The following MKX variants were observed in gnomAD, a reference collection of about 807,000 sequenced individuals.
MKX encodes the protein homeobox protein Mohawk.
A neutral mutation model predicts 36.0 loss-of-function variants in MKX; 13 were observed. The ratio of observed to expected loss-of-function variants is 0.36; its 90% CI spans 0.24 to 0.57. The LOEUF (loss-of-function observed/expected upper bound fraction) is 0.57. Ranked by LOEUF, MKX falls within the 20% of genes least tolerant of loss-of-function variation. The pLI, the probability that MKX is intolerant of heterozygous loss-of-function variation, is 0.79. For synonymous variants in MKX, 176 were observed against 178.3 expected (o/e 0.99, Z 0.10); for missense variants, 458 against 456.4 (o/e 1.00, Z -0.03).
chr10:27,708,307 G>A (rs916063147), intron 5 of MKX, among the ~76,000 whole-genome samples: 4 of 152,044 alleles, frequency 2.6e-5, no homozygotes, highest in Admixed American at 1.3e-4. Context: ...CCCTGGTTTA[G>A]CTCACTGACC....
intron 5 of MKX, among the ~76,000 whole-genome samples, chr10:27,676,867 C>T (rs982457907): frequency 3.3e-5 from 5 of 152,218 alleles, no homozygotes; most frequent in Non-Finnish European, 4.4e-5. Context: ...AGTTAGGATG[C>T]TAGCTTTTGC....
chr10:27,686,394 AAAGGAAGGAAGGAAGGAAGGAAGG>A lies in MKX; in HGVS notation c.839-10864_839-10841del, dbSNP rs199641003. On this transcript the variant is annotated intron_variant, in intron 5 of 6. Transcript: ENST00000419761. ...AAAGAAAGGGAAGGGAAGGGAAGGG[AAAGGAAGGAAGGAAGGAAGGAAGG>A]AAGGAAGGAAGGAAGGAAGGAAGGA... 8.9e-3 allele frequency among the ~76,000 whole-genome samples: 1,093 copies of A among 122,992 alleles called. 19 individuals are homozygous for A. The East Asian group carries it at 0.1, about 11-fold the overall frequency. 80.7% of individuals were successfully genotyped at this position (122,992 alleles called of 152,430 possible).
rs1267821393 is a variant in MKX, at chr10:27,715,876, T to C, written c.838+18580A>G. Reference sequence around the variant, plus strand: ...TATGGGATGGGCTGGGGGCTGGGCATAGCATAAAGACATAGGTTGCTCTGG... The same window carrying C: ...TATGGGATGGGCTGGGGGCTGGGCACAGCATAAAGACATAGGTTGCTCTGG... On this transcript the variant is annotated intron_variant, in intron 5 of 6. Coordinates refer to ENST00000419761, the MANE Select transcript of MKX (RefSeq NM_173576.3). 2.0e-5 allele frequency among the ~76,000 whole-genome samples: 3 copies of C among 151,178 alleles called. No homozygotes were observed. In the East Asian group the frequency reaches 6.3e-4, roughly 32 times the overall value.
Position 27,673,019 on chromosome 10 carries a change from C to A in MKX, c.*2210G>T, listed in dbSNP as rs552124634. On this transcript the variant is annotated 3_prime_UTR_variant, in exon 7 of 7. Transcript: ENST00000419761. ...CATAAATTATGAGTTAGATTTTCAGCTGCCGGCTCAGCATTGTTCAAGATT... is the reference window on the plus strand; with the variant it reads ...CATAAATTATGAGTTAGATTTTCAGATGCCGGCTCAGCATTGTTCAAGATT... The A allele has an allele frequency of 6.6e-6, 1 of 152,278 alleles. No homozygotes were observed. The highest frequency in any genetic ancestry group is 2.1e-4 in the South Asian group (1 of 4,830). The allele number at this position is 152,278 out of a possible 1,614,324, so 9.4% of individuals were successfully genotyped here. A position where few individuals can be genotyped will look rare whatever the true frequency, so the allele number is the denominator to read the frequency against.
intron 5 of MKX, among the ~76,000 whole-genome samples, chr10:27,690,371 A>AAAAAC (rs59668453): frequency 0.35 from 52,509 of 149,828 alleles, 9,357 homozygotes; most frequent in South Asian, 0.45. Context: ...CTCCATCTCA[A>AAAAAC]AAAACAAAAC....
At chr10:27,724,845 C>A (rs116106160) in intron 5 of MKX, among the ~76,000 whole-genome samples, 1 of 151,002 alleles carries the variant, frequency 6.6e-6, no homozygotes, top group Non-Finnish European at 1.5e-5. Context: ...TTCTGCAAAC[C>A]ATTTCTATTT....
At chr10:27,730,862 C>T (rs545221235) in intron 5 of MKX, among the ~76,000 whole-genome samples, 242 of 151,680 alleles carry the variant, frequency 1.6e-3, no homozygotes, top group African/African-American at 5.5e-3. Context: ...CAGCCGGGCG[C>T]GGTGGCTCAC....
In MKX at chr10:27,673,578, A is replaced by T. The variant is rs888847785; in HGVS notation, c.*1651T>A. The stretch of plus-strand genomic sequence containing the variant: ...TACTTCATCTGATCATACAGTCATA[A>T]CTTATATATTTTGCTTTGCGCTTAC... On this transcript the variant is annotated 3_prime_UTR_variant, in exon 7 of 7. Transcript: ENST00000419761. The T allele has an allele frequency of 5.9e-5, 9 of 152,592 alleles. No individual in the cohort carries two copies. Among genetic ancestry groups the T allele is most frequent in the Non-Finnish European group, 1.3e-4 (9 of 68,008 alleles). The allele number at this position is 152,592 out of a possible 1,614,324, so 9.5% of individuals were successfully genotyped here. A position where few individuals can be genotyped will look rare whatever the true frequency, so the allele number is the denominator to read the frequency against.
chr10:27,741,965 G>A lies in MKX; in HGVS notation c.189-461C>T, dbSNP rs1337647432. On this transcript the variant is annotated intron_variant, in intron 2 of 6. Coordinates refer to ENST00000419761, the MANE Select transcript of MKX (RefSeq NM_173576.3). The surrounding 1 kb of genome is among the most constrained non-coding windows in gnomAD (Gnocchi z 5.1). ...TCCCAGAGGCTTTCCGTCGCTTGTG[G>A]TCAGGGGAAAGGTCGCCGACTGGAC... is the stretch of plus-strand genomic sequence containing the variant. Among the ~76,000 whole-genome samples the A allele has an allele frequency of 1.3e-5, 2 of 152,186 alleles. No individual in the cohort carries two copies. Among genetic ancestry groups the A allele is most frequent in the Admixed American group, 1.3e-4 (2 of 15,290 alleles).
At chr10:27,719,551 G>T (rs1834329140) in intron 5 of MKX, among the ~76,000 whole-genome samples, 1 of 152,038 alleles carries the variant, frequency 6.6e-6, no homozygotes, top group South Asian at 2.1e-4. Flanking sequence ...CCATTAAGAG[G>T]TACAGAGTAG....
intron 5 of MKX, among the ~76,000 whole-genome samples, chr10:27,729,019 T>C (rs1023068969): frequency 3.9e-5 from 6 of 152,170 alleles, no homozygotes; most frequent in Non-Finnish European, 8.8e-5. Flanking sequence ...CGACTTCTTT[T>C]TTCTCTCAAT....
At chr10:27,724,778 C>CACAT in intron 5 of MKX, among the ~76,000 whole-genome samples, 1 of 151,352 alleles carries the variant, frequency 6.6e-6, no homozygotes, top group African/African-American at 2.4e-5. Context: ...CACACACACA[C>CACAT]ACACACACAC....
At chr10:27,696,845 C>T (rs1836563467) in intron 5 of MKX, among the ~76,000 whole-genome samples, 1 of 152,110 alleles carries the variant, frequency 6.6e-6, no homozygotes, top group Admixed American at 6.6e-5. Context: ...TGTAAAGGTT[C>T]TTACTCAAGA....
chr10:27,708,996 C>T (rs1050319170), intron 5 of MKX, among the ~76,000 whole-genome samples: 1 of 151,718 alleles, frequency 6.6e-6, no homozygotes, highest in African/African-American at 2.4e-5. Flanking sequence ...TGGTGAAACC[C>T]CGTCTGTACT....
chr10:27,708,692 C>T (rs141645408), intron 5 of MKX, among the ~76,000 whole-genome samples: 1 of 149,746 alleles, frequency 6.7e-6, no homozygotes, highest in African/African-American at 2.5e-5. Context: ...GATGCCACTG[C>T]ACTCCAGCCT....
chr10:27,686,541 A>G (rs1263138537), intron 5 of MKX, among the ~76,000 whole-genome samples: 4 of 151,130 alleles, frequency 2.6e-5, no homozygotes, highest in African/African-American at 9.7e-5. Context: ...CAGTGGTGTG[A>G]TCTCGGCTCA....
At chr10:27,707,869 T>A (rs1292123025) in intron 5 of MKX, among the ~76,000 whole-genome samples, 1 of 152,234 alleles carries the variant, frequency 6.6e-6, no homozygotes, top group Non-Finnish European at 1.5e-5. Context: ...GAAGCTTATA[T>A]CCTCTAAACA....
At chr10:27,683,754 A>G (rs1209087614) in intron 5 of MKX, among the ~76,000 whole-genome samples, 1 of 152,242 alleles carries the variant, frequency 6.6e-6, no homozygotes, top group Admixed American at 6.5e-5. Flanking sequence ...AGTTATTCAC[A>G]TACTTGGAAC....
chr10:27,721,365 G>A (rs557045022), intron 5 of MKX, among the ~76,000 whole-genome samples: 24 of 152,220 alleles, frequency 1.6e-4, no homozygotes, highest in Non-Finnish European at 2.8e-4. Flanking sequence ...GGAAACACAT[G>A]GAACCAACCC....
Sources: allele counts gnomAD v4.1 joint callset (sites outside exome capture counted in the v4.1 genomes callset), GRCh38; gene constraint gnomAD v4.1.1; non-coding constraint Gnocchi (gnomAD v3.1); transcripts MANE v1.5; gene names NCBI Gene and HGNC (gene_info 2026-07-23, HGNC 2026-07-21).